The following KCNIP4 variants were observed in gnomAD, a reference collection of about 807,000 sequenced individuals.
KCNIP4 encodes potassium voltage-gated channel interacting protein 4.
KCNIP4 carries 12 observed loss-of-function variants against 34.0 expected under a neutral mutation model. The ratio of observed to expected loss-of-function variants is 0.35; its 90% CI spans 0.23 to 0.57. The LOEUF (loss-of-function observed/expected upper bound fraction) is 0.57. Among genes scored for constraint, KCNIP4 ranks in the 20% least tolerant of loss-of-function variants. The pLI, the probability that KCNIP4 is intolerant of heterozygous loss-of-function variation, is 0.83. For missense variants in KCNIP4, 238 were observed against 311.7 expected (o/e 0.76, Z 1.78); for synonymous variants, 124 against 102.2 (o/e 1.21, Z -1.29).
intron 1 of KCNIP4, among the ~76,000 whole-genome samples, chr4:21,894,244 G>A (rs1044759818): frequency 2.0e-5 from 3 of 152,062 alleles, no homozygotes; most frequent in African/African-American, 7.2e-5. Context: ...GCTGAGGCAG[G>A]AGGATCACTT....
chr4:20,868,026 A>AT (rs201701429), intron 2 of KCNIP4, among the ~76,000 whole-genome samples: 16,944 of 151,946 alleles, frequency 0.11, 1,283 homozygotes, highest in Non-Finnish European at 0.16. Context: ...AATAATAATA[A>AT]AAAAAAGAAG....
intron 1 of KCNIP4, among the ~76,000 whole-genome samples, chr4:21,822,027 C>T (rs1348590760): frequency 1.3e-5 from 2 of 152,062 alleles, no homozygotes; most frequent in Non-Finnish European, 2.9e-5. Flanking sequence ...GCACAGAAGA[C>T]GTCTCCAACT....
chr4:20,815,319 G>A (rs1578684889), intron 3 of KCNIP4, among the ~76,000 whole-genome samples: 1 of 152,236 alleles, frequency 6.6e-6, no homozygotes, highest in South Asian at 2.1e-4. Flanking sequence ...ATAGAGCACA[G>A]TGGCAGCTGT....
chr4:20,732,113 A>G (rs1340294169), intron 7 of KCNIP4, 45 bp from the exon 8 acceptor site: 1 of 1,335,386 alleles, frequency 7.5e-7, no homozygotes, highest in South Asian at 1.2e-5. Context: ...TTATCCCTTA[A>G]TACCCTCACA....
At chr4:21,222,686 C>A (rs570469592) in intron 1 of KCNIP4, among the ~76,000 whole-genome samples, 1 of 152,284 alleles carries the variant, frequency 6.6e-6, no homozygotes, top group East Asian at 1.9e-4. Context: ...TCTTCCCTGA[C>A]TTTCAATTTG....
chr4:20,814,372 G>T (rs1364115636), intron 3 of KCNIP4, among the ~76,000 whole-genome samples: 12 of 152,166 alleles, frequency 7.9e-5, no homozygotes, highest in Non-Finnish European at 7.3e-5. Flanking sequence ...GGGTTCTTAA[G>T]TGAGACCTCA....
chr4:20,835,445 T>TATC (rs1718922393), intron 3 of KCNIP4, among the ~76,000 whole-genome samples: 1 of 151,984 alleles, frequency 6.6e-6, no homozygotes, highest in Admixed American at 6.6e-5. Context: ...CCATTTCTTT[T>TATC]ATTATTATTA....
chr4:21,408,514 G>A (rs1379645251), intron 1 of KCNIP4, among the ~76,000 whole-genome samples: 1 of 152,202 alleles, frequency 6.6e-6, no homozygotes, highest in Non-Finnish European at 1.5e-5. Flanking sequence ...GACAGCTCCT[G>A]TGGTGTGAAG....
rs527697770 is a variant in KCNIP4, at chr4:21,311,604, G to A, written c.62-428895C>T. 9.2e-5 allele frequency among the ~76,000 whole-genome samples: 14 copies of A among 152,108 alleles called. No homozygotes were observed. The South Asian group carries it at 1.0e-3, about 11-fold the overall frequency. On this transcript the variant is annotated intron_variant, in intron 1 of 8. Transcript: ENST00000382152. ...CTTGGGAGGCTGAGGCGGGAGAATC[G>A]CTTGAACCCAGGAGATGGAGGTTGC...
intron 3 of KCNIP4, among the ~76,000 whole-genome samples, chr4:20,836,578 CATTATAG>C (rs1179135937): frequency 1.3e-5 from 2 of 152,144 alleles, no homozygotes; most frequent in East Asian, 3.9e-4. Context: ...AGGATTTCAA[CATTATAG>C]TCAAGGCAGA....
At chr4:20,853,806 C>A (rs544647311) in intron 2 of KCNIP4, among the ~76,000 whole-genome samples, 1 of 152,092 alleles carries the variant, frequency 6.6e-6, no homozygotes, top group East Asian at 1.9e-4. Flanking sequence ...AAGAAAAAAA[C>A]CAACAATCCC....
intron 1 of KCNIP4, among the ~76,000 whole-genome samples, chr4:21,182,862 A>AT (rs1335700200): frequency 6.6e-6 from 1 of 152,236 alleles, no homozygotes; most frequent in African/African-American, 2.4e-5. Context: ...GCATGCTCTC[A>AT]TTTTTTGTAC....
In KCNIP4 at chr4:21,890,359, C is replaced by T. The variant is rs555285439; in HGVS notation, c.61+58212G>A. Among the ~76,000 whole-genome samples the T allele has an allele frequency of 6.5e-4, 99 of 152,210 alleles. 2 individuals carry two copies. In the East Asian group the frequency reaches 0.017, roughly 27 times the overall value. On this transcript the variant is annotated intron_variant, in intron 1 of 8. Coordinates refer to ENST00000382152, the MANE Select transcript of KCNIP4 (RefSeq NM_025221.6). ...TCTGTACTTCTGGAATATGCTCTAA[C>T]TCTTGTGTAAATACAGTCTGACTCT...
intron 1 of KCNIP4, among the ~76,000 whole-genome samples, chr4:21,004,754 A>T (rs1227950009): frequency 2.0e-5 from 3 of 152,156 alleles, no homozygotes; most frequent in Non-Finnish European, 4.4e-5. Context: ...TCATTTTTGC[A>T]ATATGGGTGT....
intron 1 of KCNIP4, among the ~76,000 whole-genome samples, chr4:21,720,832 T>C (rs1216906883): frequency 1.3e-5 from 2 of 152,108 alleles, no homozygotes; most frequent in African/African-American, 4.8e-5. Context: ...TCCATGTCCC[T>C]ACAAAGGACA....
chr4:21,377,745 A>G (rs1721093829), intron 1 of KCNIP4, among the ~76,000 whole-genome samples: 1 of 152,220 alleles, frequency 6.6e-6, no homozygotes, highest in Non-Finnish European at 1.5e-5. Flanking sequence ...TCAGAAAGTG[A>G]GAAAAGCACA....
At chr4:21,362,018 A>G (rs13132286) in intron 1 of KCNIP4, among the ~76,000 whole-genome samples, 70,264 of 151,870 alleles carry the variant, frequency 0.46, 16,535 homozygotes, top group Middle Eastern at 0.61. Flanking sequence ...AACCACTTGC[A>G]AATTAGATAC....
intron 1 of KCNIP4, among the ~76,000 whole-genome samples, chr4:21,763,474 T>C (rs1328004714): frequency 6.6e-6 from 1 of 152,138 alleles, no homozygotes; most frequent in Non-Finnish European, 1.5e-5. Flanking sequence ...TACTGGCTAA[T>C]AAAAACAACA....
chr4:21,356,563 A>T (rs1191510679), intron 1 of KCNIP4, among the ~76,000 whole-genome samples: 1 of 152,160 alleles, frequency 6.6e-6, no homozygotes, highest in Non-Finnish European at 1.5e-5. Flanking sequence ...ACTCCCATTC[A>T]CAATTGCTTC....
Sources: allele counts gnomAD v4.1 joint callset (sites outside exome capture counted in the v4.1 genomes callset), GRCh38; gene constraint gnomAD v4.1.1; transcripts MANE v1.5; gene names NCBI Gene and HGNC (gene_info 2026-07-23, HGNC 2026-07-21).